Variants in UTP20 observed in about 807,000 individuals in gnomAD.
The protein encoded by UTP20 is UTP20 small subunit processome component.
Under a neutral mutation model 329.5 loss-of-function variants are expected in UTP20, and 164 were observed. The observed-to-expected ratio is 0.50, with a 90% CI of 0.44 to 0.57. The LOEUF is 0.57. Ranked by LOEUF, UTP20 falls within the 20% of genes least tolerant of loss-of-function variation. UTP20 has a pLI of 0.00. For synonymous variants in UTP20, 1,151 were observed against 1,159.3 expected, an observed-to-expected ratio of 0.99 and a Z score of 0.14; for missense variants, 3,055 against 3,284.2, an observed-to-expected ratio of 0.93 and a Z score of 1.71.
chr12:101,318,307 G>A (rs1202614765), intron 22 of UTP20, among the ~76,000 whole-genome samples: 1 of 152,154 alleles, frequency 6.6e-6, no homozygotes, highest in Non-Finnish European at 1.5e-5. Context: ...CTGGATTGGT[G>A]CAAATATTAT....
intron 5 of UTP20, 124 bp downstream of exon 5, chr12:101,286,633 C>T (rs1235106993): frequency 3.9e-6 from 3 of 760,610 alleles, no homozygotes; most frequent in Non-Finnish European, 5.7e-6. Flanking sequence ...AGTTGATTCT[C>T]CAGCCAAAGT....
intron 11 of UTP20, among the ~76,000 whole-genome samples, chr12:101,294,954 C>A (rs1872300420): frequency 6.6e-6 from 1 of 152,208 alleles, no homozygotes. Flanking sequence ...ATGTCCTTCA[C>A]ATGACAAAAC....
chr12:101,295,776 T>G, intron 12 of UTP20, 118 bp downstream of exon 12: 1 of 1,229,066 alleles, frequency 8.1e-7, no homozygotes, highest in South Asian at 1.8e-5. Context: ...CATGATAAGT[T>G]GTGTGAAAAA....
rs571760988 is a variant in UTP20 at position 101,372,876 on chromosome 12, G to T, written c.6799-8G>T. The T allele has an allele frequency of 3.1e-6, 5 of 1,611,386 alleles. No homozygotes were observed. The highest frequency in any genetic ancestry group is 2.7e-5 in the African/African-American group (2 of 74,968). Reference sequence around the variant, plus strand: ...CCAAATAATCATCTGTGTGACTTTTGTTCCTAGGTTTTTCTGAAATATATT... The same window carrying T: ...CCAAATAATCATCTGTGTGACTTTTTTTCCTAGGTTTTTCTGAAATATATT... On this transcript the variant is annotated splice_region_variant and splice_polypyrimidine_tract_variant and intron_variant, in intron 51 of 61. Coordinates refer to ENST00000261637, the MANE Select transcript of UTP20 (RefSeq NM_014503.3).
intron 41 of UTP20, among the ~76,000 whole-genome samples, chr12:101,355,429 C>A (rs561024418): frequency 3.9e-5 from 6 of 152,304 alleles, no homozygotes. Context: ...CCATTTTCTA[C>A]TTTCTGGTCA....
chr12:101,356,861 GAT>G, intron 42 of UTP20, 63 bp from the exon 43 acceptor site: 1 of 1,530,476 alleles, frequency 6.5e-7, no homozygotes, highest in Non-Finnish European at 8.8e-7. Context: ...GAGACTAAAG[GAT>G]ATGTGTATGT....
At position 101,345,665 on chromosome 12, in the gene UTP20, G is replaced by A. The variant is rs138618335; in HGVS notation, c.4717G>A (p.Asp1573Asn). The change falls in exon 37 of 62, where the codon GAC (aspartate) becomes AAC (asparagine). Residue 1573 changes from aspartate (D) to asparagine (N), a missense_variant. Around this residue, in one of 3 missense-constraint regions of UTP20, gnomAD observed 2,445 missense variants for 2,575.5 expected, o/e 0.95. Coordinates refer to ENST00000261637, the MANE Select transcript of UTP20 (RefSeq NM_014503.3). Reference protein sequence around the residue: ...QLTHYHDPEMDFFENMKHIQI... With the variant: ...QLTHYHDPEMNFFENMKHIQI... ...TACTCATTACCATGACCCAGAAATGGACTTCTTTGAGAACATGAAGCACAT... is the reference window on the plus strand; with the variant it reads ...TACTCATTACCATGACCCAGAAATGAACTTCTTTGAGAACATGAAGCACAT... 6.2e-7 allele frequency: 1 copy of A among 1,610,502 alleles called. No homozygotes were observed.
chr12:101,307,659 G>A (rs979002588), intron 17 of UTP20, among the ~76,000 whole-genome samples: 2 of 152,186 alleles, frequency 1.3e-5, no homozygotes, highest in Non-Finnish European at 2.9e-5. Flanking sequence ...TTACAGGTGT[G>A]AGCCACTGTA....
chr12:101,350,673 C>T (rs1869485414), intron 38 of UTP20, among the ~76,000 whole-genome samples: 1 of 152,168 alleles, frequency 6.6e-6, no homozygotes, highest in Non-Finnish European at 1.5e-5. Flanking sequence ...CACTACCATT[C>T]TAAGTACCTA....
At chr12:101,316,188 TTC>T (rs1872966014) in intron 21 of UTP20, among the ~76,000 whole-genome samples, 1 of 152,254 alleles carries the variant, frequency 6.6e-6, no homozygotes, top group Admixed American at 6.5e-5. Flanking sequence ...CTTGTAAACA[TTC>T]TCTGAGACGA....
chr12:101,295,507 A>T lies in UTP20; in HGVS notation c.1279A>T (p.Ile427Phe). The T allele has an allele frequency of 6.2e-7, 1 of 1,607,438 alleles. No homozygotes were observed. Among genetic ancestry groups the T allele is most frequent in the Non-Finnish European group, 8.5e-7 (1 of 1,176,902 alleles). The stretch of plus-strand genomic sequence containing the variant: ...TTTTCTACCAAGCTTTCTGTCATAT[A>T]TTGTGAATTGCTTCTTAATTGATGA... ...QLFLPSFLSY[I>F]VNCFLIDDAV... The change falls in exon 12 of 62, where the codon ATT becomes TTT. Residue 427 changes from isoleucine (I) to phenylalanine (F), a missense_variant. By Grantham distance (21) the Ile-to-Phe change is conservative. Around this residue, in one of 3 missense-constraint regions of UTP20, gnomAD observed 2,445 missense variants for 2,575.5 expected, o/e 0.95. Transcript: ENST00000261637.
intron 40 of UTP20, 22 bp downstream of exon 40, chr12:101,353,151 A>T (rs1565802090): frequency 6.6e-7 from 1 of 1,507,166 alleles, no homozygotes; most frequent in Non-Finnish European, 9.2e-7. Context: ...AAACTTTCTT[A>T]AACAAGATTT....
chr12:101,323,858 A>G (rs563145981), intron 25 of UTP20, among the ~76,000 whole-genome samples: 1 of 152,238 alleles, frequency 6.6e-6, no homozygotes, highest in East Asian at 1.9e-4. Flanking sequence ...TTTCAGCTGG[A>G]CGCCCCCTGG....
Position 101,373,573 on chromosome 12 carries a change from CTT to C in UTP20, c.6949-9_6949-8del. ...CCACTCTGAGTGCTCACACGTGCCT[CTT>C]TTCTTTTAGGGGCTGCTCCATGAGA... is the stretch of plus-strand genomic sequence containing the variant. On this transcript the variant is annotated splice_polypyrimidine_tract_variant and intron_variant, in intron 53 of 61. Transcript: ENST00000261637. 1 of 1,610,448 alleles carries C rather than the reference CTT, an allele frequency of 6.2e-7. No homozygotes were observed. The highest frequency in any genetic ancestry group is 1.3e-5 in the African/African-American group (1 of 74,860).
Position 101,356,574 on chromosome 12 carries a change from C to T in UTP20, c.5415C>T (p.His1805=), listed in dbSNP as rs767590607. The change falls in exon 42 of 62, where the codon CAC becomes CAT. Residue 1805 remains histidine, a synonymous_variant. Transcript: ENST00000261637. ...LASTTKREEE[H]KLVKSKVVND... ...TACAGACTAAAAGGGAAGAAGAACACAAGCTTGTCAAGTCAAAGGTTGTGA... is the reference window on the plus strand; with the variant it reads ...TACAGACTAAAAGGGAAGAAGAACATAAGCTTGTCAAGTCAAAGGTTGTGA... The T allele has an allele frequency of 1.2e-5, 19 of 1,611,936 alleles. No homozygotes were observed. The highest frequency in any genetic ancestry group is 1.7e-5 in the Admixed American group (1 of 59,572).
At chr12:101,382,384 T>TG (rs1458484076) in intron 58 of UTP20, among the ~76,000 whole-genome samples, 1 of 151,934 alleles carries the variant, frequency 6.6e-6, no homozygotes, top group African/African-American at 2.4e-5. Flanking sequence ...GGTAACAAAG[T>TG]GAGACTCTGT....
chr12:101,360,415 G>T (rs1869872885), intron 43 of UTP20, among the ~76,000 whole-genome samples: 1 of 152,112 alleles, frequency 6.6e-6, no homozygotes. Context: ...TTCAAGTACA[G>T]GTGCTTTTTG....
chr12:101,319,789 A>G (rs531952164), intron 23 of UTP20, among the ~76,000 whole-genome samples, 154 bp downstream of exon 23: 33 of 151,600 alleles, frequency 2.2e-4, no homozygotes, highest in Non-Finnish European at 4.0e-4. Flanking sequence ...TAATAGACAT[A>G]TTTTCTGTTA....
rs1277920756 is a variant in UTP20, at chr12:101,317,627, C to A, written c.2702C>A (p.Ser901Tyr). The A allele has an allele frequency of 6.2e-7, 1 of 1,613,494 alleles. No individual in the cohort carries two copies. Among genetic ancestry groups the A allele is most frequent in the Non-Finnish European group, 8.5e-7 (1 of 1,179,848 alleles). Residue 901 changes from serine (S) to tyrosine (Y), a missense_variant, in exon 22 of 62, where the codon TCC becomes TAC. This residue lies in a region of UTP20 where 2,445 missense variants were observed against 2,575.5 expected (regional missense o/e 0.95). Transcript: ENST00000261637. ...GAAGAGGCAGTGCCCCAAGATGAATCCTCACAGAAGAAAAAGACGAGGAGA... is the reference window on the plus strand; with the variant it reads ...GAAGAGGCAGTGCCCCAAGATGAATACTCACAGAAGAAAAAGACGAGGAGA... Reference protein sequence around the residue: ...LEEEAVPQDESSQKKKTRRAA... With the variant: ...LEEEAVPQDEYSQKKKTRRAA...
Sources: gnomAD v4.1 joint callset for allele counts (sites outside exome capture counted in the v4.1 genomes callset) on GRCh38, gnomAD v4.1.1 for gene constraint, gnomAD v4.1.1 regional missense constraint, MANE v1.5 for transcripts, NCBI Gene and HGNC (gene_info 2026-07-23, HGNC 2026-07-21) for gene names.